The following RAB3C variants were observed in gnomAD, a reference collection of about 807,000 sequenced individuals.
RAB3C encodes the protein RAB3C, member RAS oncogene family.
Under a neutral mutation model 26.4 loss-of-function variants are expected in RAB3C, and 17 were observed. That is an observed-to-expected ratio of 0.64 (90% confidence interval 0.44 to 0.97). The LOEUF (loss-of-function observed/expected upper bound fraction) is 0.97. Among genes scored for constraint, RAB3C ranks in the 50% least tolerant of loss-of-function variants. The probability of loss-of-function intolerance (pLI) is 0.00; values close to 1 mark genes in which losing one functional copy is unlikely to be tolerated. For missense variants in RAB3C, 242 were observed against 281.9 expected, an observed-to-expected ratio of 0.86 and a Z score of 1.01; for synonymous variants, 91 against 95.9, an observed-to-expected ratio of 0.95 and a Z score of 0.30.
chr5:58,735,293 A>G (rs1741109442), intron 3 of RAB3C, among the ~76,000 whole-genome samples: 1 of 152,192 alleles, frequency 6.6e-6, no homozygotes, highest in African/African-American at 2.4e-5. Flanking sequence ...GTGTCAGACA[A>G]TTCAGATTTC....
chr5:58,834,188 A>G (rs760763886), intron 4 of RAB3C, among the ~76,000 whole-genome samples: 13 of 152,326 alleles, frequency 8.5e-5, no homozygotes, highest in Non-Finnish European at 1.2e-4. Context: ...GCCTATCGTT[A>G]CAGTTTCAGT....
intron 3 of RAB3C, among the ~76,000 whole-genome samples, chr5:58,791,135 C>T (rs1365925662): frequency 6.6e-6 from 1 of 151,826 alleles, no homozygotes; most frequent in Non-Finnish European, 1.5e-5. Flanking sequence ...GCAGCTTCCA[C>T]AAATCTCGAT....
At chr5:58,607,491 A>G (rs1579813624) in intron 1 of RAB3C, among the ~76,000 whole-genome samples, 1 of 152,210 alleles carries the variant, frequency 6.6e-6, no homozygotes, top group Non-Finnish European at 1.5e-5. Context: ...AACACTCTTC[A>G]GGATATTATC....
At chr5:58,733,271 T>C (rs559275948) in intron 3 of RAB3C, among the ~76,000 whole-genome samples, 1 of 152,004 alleles carries the variant, frequency 6.6e-6, no homozygotes, top group African/African-American at 2.4e-5. Context: ...ATGGAATGAG[T>C]GAGTAAAATT....
chr5:58,786,868 C>A (rs1007993776), intron 3 of RAB3C, among the ~76,000 whole-genome samples: 34 of 151,964 alleles, frequency 2.2e-4, no homozygotes, highest in African/African-American at 8.2e-4. Context: ...TAGGAAAGTT[C>A]CTACTGCGGT....
At chr5:58,844,735 C>T (rs1561150237) in intron 4 of RAB3C, among the ~76,000 whole-genome samples, 1 of 152,140 alleles carries the variant, frequency 6.6e-6, no homozygotes, top group Non-Finnish European at 1.5e-5. Flanking sequence ...GAACAAATCA[C>T]AGATTTTTAA....
intron 3 of RAB3C, among the ~76,000 whole-genome samples, chr5:58,774,195 T>C (rs1242340471): frequency 6.6e-6 from 1 of 152,176 alleles, no homozygotes; most frequent in Non-Finnish European, 1.5e-5. Context: ...TGAATGTAAC[T>C]GGTAAGCACC....
chr5:58,833,951 C>T (rs1057485963), intron 4 of RAB3C, among the ~76,000 whole-genome samples: 14 of 152,106 alleles, frequency 9.2e-5, no homozygotes, highest in African/African-American at 3.4e-4. Context: ...GTGACCACCC[C>T]TTTCTTTTTA....
chr5:58,583,986 A>T (rs543507166), intron 1 of RAB3C, among the ~76,000 whole-genome samples: 1 of 152,346 alleles, frequency 6.6e-6, no homozygotes, highest in Non-Finnish European at 1.5e-5. Flanking sequence ...TTTGTTTTTA[A>T]GTAAAGATGA....
At chr5:58,779,219 T>C (rs1348894333) in intron 3 of RAB3C, among the ~76,000 whole-genome samples, 3 of 152,002 alleles carry the variant, frequency 2.0e-5, no homozygotes, top group Non-Finnish European at 4.4e-5. Context: ...CTCTGGCTTT[T>C]CACCCCTGAC....
chr5:58,747,029 C>T (rs914416931), intron 3 of RAB3C, among the ~76,000 whole-genome samples: 1 of 152,174 alleles, frequency 6.6e-6, no homozygotes, highest in Non-Finnish European at 1.5e-5. Flanking sequence ...CTTTTAAGTT[C>T]TCTCATTCCT....
At chr5:58,692,746 A>G (rs1748596913) in intron 2 of RAB3C, among the ~76,000 whole-genome samples, 1 of 152,060 alleles carries the variant, frequency 6.6e-6, no homozygotes, top group Non-Finnish European at 1.5e-5. Context: ...TGTCTCCAAA[A>G]TAAAGTATTT....
intron 3 of RAB3C, among the ~76,000 whole-genome samples, chr5:58,790,950 G>T (rs923273683): frequency 3.3e-5 from 5 of 151,524 alleles, no homozygotes; most frequent in African/African-American, 1.2e-4. Context: ...CCATTCTCTT[G>T]TTCCTCCTTT....
intron 2 of RAB3C, among the ~76,000 whole-genome samples, chr5:58,668,797 A>T (rs1047735568): frequency 6.6e-6 from 1 of 152,054 alleles, no homozygotes; most frequent in Non-Finnish European, 1.5e-5. Context: ...CTAGTCACTC[A>T]TGGTCTCCCA....
intron 2 of RAB3C, among the ~76,000 whole-genome samples, chr5:58,724,863 G>A (rs78648790): frequency 0.021 from 3,234 of 151,440 alleles, 100 homozygotes; most frequent in African/African-American, 0.074. Context: ...CTGACTTTGT[G>A]TTATTACAAT....
intron 3 of RAB3C, among the ~76,000 whole-genome samples, chr5:58,740,511 A>T (rs983752139): frequency 6.6e-6 from 1 of 152,138 alleles, no homozygotes; most frequent in Non-Finnish European, 1.5e-5. Context: ...GTTTGTATTG[A>T]CTATTTTGAT....
rs576065164 is a variant in RAB3C at position 58,796,690 on chromosome 5, C to T, written c.372-28348C>T. On this transcript the variant is annotated intron_variant, in intron 3 of 4. Coordinates refer to ENST00000282878, the MANE Select transcript of RAB3C (RefSeq NM_138453.4). ...AGAAGATAGAAAGAGTATCTATCTC[C>T]GGTGAGTGCAGGAGCTGTGGAGGAG... is the stretch of plus-strand genomic sequence containing the variant. Among the ~76,000 whole-genome samples, 8 of 152,270 alleles carry T rather than the reference C, an allele frequency of 5.3e-5. No individual in the cohort carries two copies. In the South Asian group the frequency reaches 6.2e-4, roughly 12 times the overall value.
intron 3 of RAB3C, among the ~76,000 whole-genome samples, chr5:58,819,493 C>A (rs1743291208): frequency 6.6e-6 from 1 of 152,202 alleles, no homozygotes; most frequent in African/African-American, 2.4e-5. Flanking sequence ...ACTCCGAGCT[C>A]TTATTTCAAC....
chr5:58,611,995 C>T (rs1020085438), intron 1 of RAB3C, among the ~76,000 whole-genome samples: 1 of 152,114 alleles, frequency 6.6e-6, no homozygotes, highest in Non-Finnish European at 1.5e-5. Flanking sequence ...GGAGTCCTTT[C>T]CCCATTGCTT....
Sources: allele counts gnomAD v4.1 joint callset (sites outside exome capture counted in the v4.1 genomes callset), GRCh38; gene constraint gnomAD v4.1.1; transcripts MANE v1.5; gene names NCBI Gene and HGNC (gene_info 2026-07-23, HGNC 2026-07-21).